The following INSR variants were observed in gnomAD, a reference collection of about 807,000 sequenced individuals.
INSR encodes the protein insulin receptor, also known as IR.
Under a neutral mutation model 142.6 loss-of-function variants are expected in INSR, and 67 were observed. The observed-to-expected ratio is 0.47, with a 90% CI of 0.39 to 0.58. INSR has a LOEUF of 0.58. Ranked by LOEUF, INSR falls within the 20% of genes least tolerant of loss-of-function variation. INSR has a pLI of 0.00. For missense variants in INSR, 1,248 were observed against 1,833.2 expected, an observed-to-expected ratio of 0.68 and a Z score of 5.83; for synonymous variants, 756 against 743.1, an observed-to-expected ratio of 1.02 and a Z score of -0.28.
chr19:7,225,058 G>A lies in INSR; in HGVS notation c.653-40421C>T, dbSNP rs956193225. Reference sequence around the variant, plus strand: ...GCAAAGAGGAGAGAGGAGGGGAGAGGGGAGGTTGTGGCCACATGCTGTGTA... The same window carrying A: ...GCAAAGAGGAGAGAGGAGGGGAGAGAGGAGGTTGTGGCCACATGCTGTGTA... On this transcript the variant is annotated intron_variant, in intron 2 of 21. Coordinates refer to ENST00000302850, the MANE Select transcript of INSR (RefSeq NM_000208.4). This position sits in a 1 kb window ranked among gnomAD's most constrained non-coding sequence, Gnocchi z 4.7. Among the ~76,000 whole-genome samples the A allele has an allele frequency of 1.3e-5, 2 of 151,888 alleles. No homozygotes were observed. Among genetic ancestry groups the A allele is most frequent in the African/African-American group, 4.8e-5 (2 of 41,310 alleles).
Position 7,210,086 on chromosome 19 carries a change from C to T in INSR, c.653-25449G>A, listed in dbSNP as rs199982261. 7.9e-5 allele frequency among the ~76,000 whole-genome samples: 12 copies of T among 151,880 alleles called. No individual in the cohort carries two copies. In the East Asian group the frequency reaches 1.4e-3, roughly 17 times the overall value. On this transcript the variant is annotated intron_variant, in intron 2 of 21. Transcript: ENST00000302850. Reference sequence around the variant, plus strand: ...AGAGCCAGGCGCAGTGGCTCACACCCGTAATCTCAGCACTTTAGGAGGCCG... The same window carrying T: ...AGAGCCAGGCGCAGTGGCTCACACCTGTAATCTCAGCACTTTAGGAGGCCG...
intron 9 of INSR, among the ~76,000 whole-genome samples, chr19:7,153,448 C>CA (rs1318820847): frequency 0.036 from 4,721 of 130,168 alleles, no homozygotes; most frequent in East Asian, 0.074. Flanking sequence ...ACACACACCA[C>CA]CACACCCACG....
chr19:7,286,468 G>A (rs902878348), intron 1 of INSR, among the ~76,000 whole-genome samples: 2 of 151,692 alleles, frequency 1.3e-5, no homozygotes, highest in African/African-American at 4.8e-5. Context: ...GCTTACTGTA[G>A]CCTCAACCTT....
chr19:7,120,759 C>T lies in INSR; in HGVS notation c.3530-10G>A. 2 of 1,613,560 alleles carry T rather than the reference C, an allele frequency of 1.2e-6. No homozygotes were observed. The highest frequency in any genetic ancestry group is 1.7e-6 in the Non-Finnish European group (2 of 1,179,700). On this transcript the variant is annotated splice_polypyrimidine_tract_variant and intron_variant, in intron 19 of 21. Transcript: ENST00000302850. The stretch of plus-strand genomic sequence containing the variant: ...CTGGTCATTCCAAAGTCTGACAACA[C>T]AAAAGGTTCACACGCTCTTAACCTT...
intron 1 of INSR, among the ~76,000 whole-genome samples, chr19:7,288,275 CA>C (rs780306532): frequency 5.2e-4 from 79 of 151,470 alleles, no homozygotes; most frequent in Non-Finnish European, 7.2e-4. Context: ...CGGAGGCAAG[CA>C]GGTTGCTTGA....
At chr19:7,197,428 G>C (rs139062344) in intron 2 of INSR, among the ~76,000 whole-genome samples, 57 of 152,336 alleles carry the variant, frequency 3.7e-4, no homozygotes, top group Non-Finnish European at 7.3e-4. Context: ...GATATACTGC[G>C]CACGCAGAGG....
chr19:7,263,000 A>G (rs1977110042), intron 2 of INSR, among the ~76,000 whole-genome samples: 2 of 152,092 alleles, frequency 1.3e-5, no homozygotes, highest in African/African-American at 4.8e-5. Flanking sequence ...AGATGGGGCC[A>G]GGCGCGGTGG....
intron 4 of INSR, 61 bp downstream of exon 4, chr19:7,174,521 TC>T (rs1426988507): frequency 6.3e-7 from 1 of 1,597,342 alleles, no homozygotes; most frequent in African/African-American, 1.3e-5. Flanking sequence ...TCTTCCCCGC[TC>T]ACAGCTCAGA....
At chr19:7,241,177 GTTTTT>G (rs80160830) in intron 2 of INSR, among the ~76,000 whole-genome samples, 56 of 137,758 alleles carry the variant, frequency 4.1e-4, no homozygotes, top group African/African-American at 1.1e-3. Flanking sequence ...ATTTTATTTT[GTTTTT>G]TTTTTTTTTT....
At chr19:7,239,226 G>A (rs957960766) in intron 2 of INSR, among the ~76,000 whole-genome samples, 3 of 152,098 alleles carry the variant, frequency 2.0e-5, no homozygotes, top group South Asian at 4.1e-4. Context: ...AAGCATTTCC[G>A]ACACTTCAAT....
At chr19:7,183,858 A>G (rs1974338885) in intron 3 of INSR, among the ~76,000 whole-genome samples, 1 of 152,018 alleles carries the variant, frequency 6.6e-6, no homozygotes, top group Non-Finnish European at 1.5e-5. Context: ...TGGGAGTTCG[A>G]GACCAGCCTG....
intron 2 of INSR, among the ~76,000 whole-genome samples, chr19:7,229,958 T>C (rs930653499): frequency 2.0e-5 from 3 of 151,790 alleles, no homozygotes; most frequent in Non-Finnish European, 4.4e-5. Flanking sequence ...TTTTTGTTTG[T>C]TTGTTTTTGT....
At chr19:7,268,104 A>G (rs538906976) in intron 1 of INSR, among the ~76,000 whole-genome samples, 2 of 152,192 alleles carry the variant, frequency 1.3e-5, no homozygotes, top group East Asian at 3.9e-4. Flanking sequence ...AAACGCCAAG[A>G]AAATAATTCT....
chr19:7,153,277 C>T (rs1475527436), intron 9 of INSR, among the ~76,000 whole-genome samples: 13 of 146,166 alleles, frequency 8.9e-5, no homozygotes, highest in African/African-American at 2.1e-4. Context: ...ACACCTCACA[C>T]ACCACACCAC....
chr19:7,239,178 A>G (rs574587391), intron 2 of INSR, among the ~76,000 whole-genome samples: 14 of 152,316 alleles, frequency 9.2e-5, no homozygotes, highest in African/African-American at 3.4e-4. Context: ...GCAAAGCACA[A>G]TTGAAATGCT....
chr19:7,173,713 G>C (rs1974072296), intron 4 of INSR, among the ~76,000 whole-genome samples: 1 of 140,242 alleles, frequency 7.1e-6, no homozygotes, highest in Non-Finnish European at 1.5e-5. Flanking sequence ...TCCACTTCCT[G>C]AGTTCAAACG....
At chr19:7,118,108 A>T (rs1251615477) in intron 21 of INSR, among the ~76,000 whole-genome samples, 4 of 151,658 alleles carry the variant, frequency 2.6e-5, no homozygotes, top group Non-Finnish European at 5.9e-5. Context: ...CTCATTTCAA[A>T]ACTGGCTCAA....
At chr19:7,275,741 T>C (rs375982005) in intron 1 of INSR, among the ~76,000 whole-genome samples, 1 of 150,892 alleles carries the variant, frequency 6.6e-6, no homozygotes, top group Non-Finnish European at 1.5e-5. Context: ...GAGCCGAGAT[T>C]GTGCCATTAC....
chr19:7,136,926 G>A (rs546394794), intron 13 of INSR, among the ~76,000 whole-genome samples: 7 of 151,356 alleles, frequency 4.6e-5, no homozygotes, highest in Non-Finnish European at 7.4e-5. Context: ...TCTGCCTCCC[G>A]GGTTCAAGTG....
Sources: allele counts gnomAD v4.1 joint callset (sites outside exome capture counted in the v4.1 genomes callset), GRCh38; gene constraint gnomAD v4.1.1; non-coding constraint Gnocchi (gnomAD v3.1); transcripts MANE v1.5; gene names NCBI Gene and HGNC (gene_info 2026-07-23, HGNC 2026-07-21).